The following GRIN2A variants were observed in gnomAD, a reference collection of about 807,000 sequenced individuals.
GRIN2A encodes the protein glutamate receptor ionotropic, NMDA 2A.
A neutral mutation model predicts 113.4 loss-of-function variants in GRIN2A; 22 were observed. The observed-to-expected ratio is 0.19, with a 90% CI of 0.14 to 0.28. The LOEUF (loss-of-function observed/expected upper bound fraction) is 0.28. GRIN2A is among the 10% of genes least tolerant of loss of function. The pLI is 1.00. For missense variants in GRIN2A, 1,502 were observed against 1,887.0 expected, an observed-to-expected ratio of 0.80 and a Z score of 3.78; for synonymous variants, 827 against 738.4, an observed-to-expected ratio of 1.12 and a Z score of -1.94.
intron 5 of GRIN2A, among the ~76,000 whole-genome samples, chr16:9,847,207 G>GT (rs1177817289): frequency 5.9e-5 from 9 of 152,242 alleles, no homozygotes; most frequent in African/African-American, 2.2e-4. Context: ...AGAAGAATGT[G>GT]TGGGGGGAAG....
chr16:9,767,628 AGGT>A, intron 12 of GRIN2A, among the ~76,000 whole-genome samples: 1 of 152,210 alleles, frequency 6.6e-6, no homozygotes, highest in Admixed American at 6.5e-5. Flanking sequence ...CAAAAAAACA[AGGT>A]GGGCAAATAA....
chr16:9,839,536 C>T (rs1340778713), intron 7 of GRIN2A, among the ~76,000 whole-genome samples: 1 of 152,064 alleles, frequency 6.6e-6, no homozygotes. Flanking sequence ...CAGACTATTC[C>T]TATTAGCAGA....
At chr16:9,904,982 A>G (rs998340481) in intron 3 of GRIN2A, among the ~76,000 whole-genome samples, 2 of 152,236 alleles carry the variant, frequency 1.3e-5, no homozygotes, top group African/African-American at 2.4e-5. Context: ...TTCAATGCTA[A>G]AACCAAAACC....
intron 4 of GRIN2A, among the ~76,000 whole-genome samples, chr16:9,854,829 G>T (rs1489880040): frequency 6.6e-6 from 1 of 152,114 alleles, no homozygotes; most frequent in Non-Finnish European, 1.5e-5. Context: ...ATTTCCTCCA[G>T]CAGTGCTTCC....
Position 9,761,402 on chromosome 16 carries a change from T to A in GRIN2A, c.*1747A>T, listed in dbSNP as rs1048426313. On this transcript the variant is annotated 3_prime_UTR_variant, in exon 13 of 13. Transcript: ENST00000330684. ...GGAAACCAGGAAATGGCCAGGCGAG[T>A]CTACATTAGCTTAGTGTTTCCGTAA... The A allele has an allele frequency of 1.3e-5, 3 of 231,012 alleles. No homozygotes were observed. Among genetic ancestry groups the A allele is most frequent in the Admixed American group, 1.1e-4 (2 of 17,704 alleles). The allele number at this position is 231,012 out of a possible 1,614,324, so 14.3% of individuals were successfully genotyped here.
At chr16:9,899,219 A>C (rs532262896) in intron 3 of GRIN2A, among the ~76,000 whole-genome samples, 1 of 152,130 alleles carries the variant, frequency 6.6e-6, no homozygotes, top group Admixed American at 6.5e-5. Context: ...CAGGTGGATC[A>C]CCTGAAGTCA....
intron 2 of GRIN2A, among the ~76,000 whole-genome samples, chr16:10,072,010 G>C (rs946572543): frequency 6.6e-5 from 10 of 152,134 alleles, no homozygotes; most frequent in Non-Finnish European, 1.5e-5. Flanking sequence ...CCACACTCTT[G>C]GCCACTACAT....
chr16:9,832,275 A>T (rs1279359963), intron 8 of GRIN2A, among the ~76,000 whole-genome samples: 1 of 151,938 alleles, frequency 6.6e-6, no homozygotes, highest in Non-Finnish European at 1.5e-5. Flanking sequence ...CTGTTTCTTG[A>T]GCATCTCAAG....
intron 2 of GRIN2A, among the ~76,000 whole-genome samples, chr16:10,046,217 A>G (rs2047254838): frequency 6.6e-6 from 1 of 152,148 alleles, no homozygotes; most frequent in African/African-American, 2.4e-5. Context: ...CACTCTTAAG[A>G]AGCTACAAAA....
intron 3 of GRIN2A, among the ~76,000 whole-genome samples, chr16:9,901,303 T>C (rs550891528): frequency 6.6e-6 from 1 of 152,318 alleles, no homozygotes; most frequent in Admixed American, 6.5e-5. Context: ...GGTGTCTACC[T>C]GCTTTCTGTG....
At chr16:10,071,242 T>C (rs1302890040) in intron 2 of GRIN2A, among the ~76,000 whole-genome samples, 1 of 152,198 alleles carries the variant, frequency 6.6e-6, no homozygotes, top group Non-Finnish European at 1.5e-5. Flanking sequence ...CACATATACC[T>C]GGAAATATTC....
chr16:9,827,802 C>T (rs934934834), intron 9 of GRIN2A, among the ~76,000 whole-genome samples: 4 of 152,128 alleles, frequency 2.6e-5, no homozygotes, highest in African/African-American at 9.7e-5. Flanking sequence ...ATTCATTCAC[C>T]CAGCAAGAGT....
chr16:9,975,309 C>T (rs952463418), intron 2 of GRIN2A, among the ~76,000 whole-genome samples: 8 of 152,126 alleles, frequency 5.3e-5, no homozygotes, highest in Non-Finnish European at 1.2e-4. Flanking sequence ...GACCTAAAAA[C>T]GGAGAGATTA....
rs1179489169 is a variant in GRIN2A, at chr16:10,180,131, C to T, written c.281G>A (p.Arg94His). ...THVCDLMSGARIHGLVFGDDT... is the reference protein window; with the variant it reads ...THVCDLMSGAHIHGLVFGDDT... ...GTCCCCAAACACGAGGCCGTGGATG[C>T]GTGCCCCGGACATGAGGTCGCACAC... Residue 94 changes from arginine (R) to histidine (H), a missense_variant, in exon 2 of 13, where the codon CGC becomes CAC. Transcript: ENST00000330684. The surrounding 1 kb of genome is among the most constrained non-coding windows in gnomAD (Gnocchi z 7.0). 1.2e-6 allele frequency: 2 copies of T among 1,614,214 alleles called. No homozygotes were observed. The highest frequency in any genetic ancestry group is 1.7e-6 in the Non-Finnish European group (2 of 1,180,040).
At chr16:9,898,944 A>G (rs2043862311) in intron 3 of GRIN2A, among the ~76,000 whole-genome samples, 1 of 150,416 alleles carries the variant, frequency 6.6e-6, no homozygotes, top group South Asian at 2.1e-4. Flanking sequence ...GTACAACTTC[A>G]CTCTACTTTT....
At position 9,822,496 on chromosome 16, in the gene GRIN2A, A is replaced by G. The variant is rs1596465103; in HGVS notation, c.2008-72T>C. On this transcript the variant is annotated intron_variant, in intron 9 of 12. Coordinates refer to ENST00000330684, the MANE Select transcript of GRIN2A (RefSeq NM_001134407.3). ...GAAGGGAGGAGGGGGAGGAGAGAAC[A>G]AATAATAAATTAGTGATCATTTTGT... The G allele has an allele frequency of 5.1e-6, 5 of 977,308 alleles. No homozygotes were observed. In the East Asian group the frequency reaches 9.8e-5, roughly 19 times the overall value. 60.5% of individuals were successfully genotyped at this position (977,308 alleles called of 1,614,324 possible). A position where few individuals can be genotyped will look rare whatever the true frequency, so the allele number is the denominator to read the frequency against.
chr16:9,863,038 CAG>C (rs368619669), intron 4 of GRIN2A, among the ~76,000 whole-genome samples: 51 of 152,206 alleles, frequency 3.4e-4, no homozygotes, highest in African/African-American at 1.2e-3. Context: ...TGTTGGCAAA[CAG>C]GGAATTTAAG....
intron 3 of GRIN2A, among the ~76,000 whole-genome samples, chr16:9,905,927 G>T (rs1158458339): frequency 6.6e-6 from 1 of 152,104 alleles, no homozygotes; most frequent in Non-Finnish European, 1.5e-5. Context: ...AAGATTAGTT[G>T]CTCAACTTAT....
intron 2 of GRIN2A, among the ~76,000 whole-genome samples, chr16:10,086,214 G>GT (rs942745964): frequency 5.3e-5 from 8 of 152,268 alleles, no homozygotes; most frequent in Non-Finnish European, 1.2e-4. Context: ...ATGCAGCAAA[G>GT]TGCATTGTTG....
Sources: gnomAD v4.1 joint callset for allele counts (sites outside exome capture counted in the v4.1 genomes callset) on GRCh38, gnomAD v4.1.1 for gene constraint, Gnocchi (gnomAD v3.1) non-coding constraint, MANE v1.5 for transcripts, NCBI Gene and HGNC (gene_info 2026-07-23, HGNC 2026-07-21) for gene names.